Variants in DNAH6 observed in about 807,000 individuals in gnomAD.
DNAH6 encodes the protein axonemal beta dynein heavy chain 6.
In DNAH6, 340 loss-of-function variants were observed where a neutral mutation model predicts 491.4. The observed-to-expected ratio is 0.69, with a 90% CI of 0.63 to 0.76. The LOEUF is 0.76. Ranked by LOEUF, DNAH6 falls within the 30% of genes least tolerant of loss-of-function variation. The probability of loss-of-function intolerance (pLI) is 0.00; values close to 1 mark genes in which losing one functional copy is unlikely to be tolerated. For missense variants in DNAH6, 4,443 were observed against 4,972.2 expected (o/e 0.89, Z 3.20); for synonymous variants, 1,603 against 1,686.1 (o/e 0.95, Z 1.21).
intron 63 of DNAH6, among the ~76,000 whole-genome samples, chr2:84,753,252 G>GT (rs1167520131): frequency 2.0e-5 from 3 of 151,716 alleles, no homozygotes; most frequent in East Asian, 1.9e-4. Context: ...GTTGTAAAAG[G>GT]TTTTTTTTAA....
chr2:84,711,549 A>G (rs1697044095), intron 56 of DNAH6, among the ~76,000 whole-genome samples: 1 of 152,212 alleles, frequency 6.6e-6, no homozygotes, highest in African/African-American at 2.4e-5. Flanking sequence ...TGTTCACTCC[A>G]TGCCAGACTC....
chr2:84,581,594 A>G (rs1448726426), intron 14 of DNAH6, among the ~76,000 whole-genome samples: 2 of 152,166 alleles, frequency 1.3e-5, no homozygotes, highest in East Asian at 1.9e-4. Context: ...AATACATGAA[A>G]CATTCAGGTG....
chr2:84,513,454 T>G (rs1453666111), upstream of DNAH6, among the ~76,000 whole-genome samples: 1 of 152,204 alleles, frequency 6.6e-6, no homozygotes, highest in Non-Finnish European at 1.5e-5. Flanking sequence ...TGTGGAAGGA[T>G]GGACTTTTAG....
rs567035975 is a variant in DNAH6 at position 84,551,230 on chromosome 2, T to C, written c.1485+1173T>C. 1.1e-3 allele frequency among the ~76,000 whole-genome samples: 168 copies of C among 152,288 alleles called. 1 individual carries two copies. Among genetic ancestry groups the C allele is most frequent in the Non-Finnish European group, 2.1e-3 (144 of 68,022 alleles). On this transcript the variant is annotated intron_variant, in intron 9 of 76. Transcript: ENST00000389394. ...TGAACTCCTTTTCATAGCTTTCTCT[T>C]CTCCCCTATTCTGAATTTCTCCTTT...
chr2:84,808,294 C>G, intron 71 of DNAH6, 121 bp from the exon 72 acceptor site: 1 of 1,103,472 alleles, frequency 9.1e-7, no homozygotes, highest in Non-Finnish European at 1.2e-6. Flanking sequence ...TCCTATGTAT[C>G]TGGCTTAAAC....
intron 55 of DNAH6, among the ~76,000 whole-genome samples, chr2:84,709,942 A>G (rs1179400207): frequency 6.6e-6 from 1 of 152,214 alleles, no homozygotes; most frequent in Non-Finnish European, 1.5e-5. Context: ...GGTTGACAGC[A>G]TCCCATTTTC....
intron 46 of DNAH6, among the ~76,000 whole-genome samples, chr2:84,694,732 G>A (rs184728442): frequency 1.3e-5 from 2 of 152,216 alleles, no homozygotes; most frequent in Admixed American, 6.5e-5. Context: ...TTCTTTGAGG[G>A]AAAAGGCAAA....
At chr2:84,559,889 A>G (rs1273147212) in intron 11 of DNAH6, among the ~76,000 whole-genome samples, 1 of 152,200 alleles carries the variant, frequency 6.6e-6, no homozygotes, top group African/African-American at 2.4e-5. Flanking sequence ...TAGTGCTCAA[A>G]GGAGAATAAG....
chr2:84,679,643 T>G (rs1440597694), intron 41 of DNAH6, among the ~76,000 whole-genome samples: 1 of 152,242 alleles, frequency 6.6e-6, no homozygotes, highest in African/African-American at 2.4e-5. Flanking sequence ...AAACAGATCA[T>G]GTAAGCCAGA....
At chr2:84,728,666 A>C (rs1460309011) in intron 61 of DNAH6, among the ~76,000 whole-genome samples, 1 of 152,276 alleles carries the variant, frequency 6.6e-6, no homozygotes, top group African/African-American at 2.4e-5. Flanking sequence ...TTGCCTGGAG[A>C]TGTATCTCAT....
chr2:84,584,806 AC>A (rs1444450854), intron 15 of DNAH6: 1 of 152,390 alleles, frequency 6.6e-6, no homozygotes, highest in Non-Finnish European at 1.5e-5. Context: ...ACACAAGTTT[AC>A]CTGTATAACA....
intron 59 of DNAH6, among the ~76,000 whole-genome samples, chr2:84,720,499 T>C (rs34737013): frequency 0.029 from 4,357 of 150,104 alleles, 78 homozygotes; most frequent in Non-Finnish European, 0.038. Context: ...GGGATGGTCT[T>C]GATCTCCTGA....
Position 84,624,615 on chromosome 2 carries a change from C to T in DNAH6, c.4348C>T (p.Leu1450Phe). Reference sequence around the variant, plus strand: ...ATGCCCAAGATTGGTTATTACTCCACTCACAGTAAGTTATTGATCACTTGG... The same window carrying T: ...ATGCCCAAGATTGGTTATTACTCCATTCACAGTAAGTTATTGATCACTTGG... ...GACPRLVITP[L>F]TDRCYLCLMG... Residue 1450 changes from leucine (L) to phenylalanine (F), a missense_variant, in exon 28 of 77, where the codon CTC becomes TTC. By Grantham distance (22) the Leu-to-Phe change is conservative. This residue lies in a region of DNAH6 where 2,977 missense variants were observed against 3,296.6 expected (regional missense o/e 0.90). Transcript: ENST00000389394. 1 of 1,551,266 alleles carries T rather than the reference C, an allele frequency of 6.4e-7. No individual in the cohort carries two copies. The highest frequency in any genetic ancestry group is 8.7e-7 in the Non-Finnish European group (1 of 1,146,800).
the DNAH6 span, among the ~76,000 whole-genome samples, chr2:84,488,495 G>A: frequency 6.6e-6 from 1 of 152,124 alleles, no homozygotes; most frequent in African/African-American, 2.4e-5. Context: ...GGAGGCTCTA[G>A]GAGTGAATCT....
At chr2:84,486,119 G>T in the DNAH6 span, among the ~76,000 whole-genome samples, 2 of 152,068 alleles carry the variant, frequency 1.3e-5, no homozygotes, top group Non-Finnish European at 2.9e-5. Flanking sequence ...ATCTTAGCTG[G>T]TACATTTACC....
the DNAH6 span, among the ~76,000 whole-genome samples, chr2:84,491,160 G>C: frequency 3.9e-5 from 6 of 152,188 alleles, no homozygotes; most frequent in Admixed American, 3.9e-4. Flanking sequence ...GTCATCCAGA[G>C]AGTGTATTTT....
At chr2:84,695,356 A>G (rs1285893302) in intron 46 of DNAH6, among the ~76,000 whole-genome samples, 1 of 151,826 alleles carries the variant, frequency 6.6e-6, no homozygotes, top group Non-Finnish European at 1.5e-5. Flanking sequence ...ATCATAATAT[A>G]CAGAGTTGGC....
chr2:84,489,795 A>G, the DNAH6 span, among the ~76,000 whole-genome samples: 1 of 152,194 alleles, frequency 6.6e-6, no homozygotes, highest in South Asian at 2.1e-4. Context: ...AGAATCACCC[A>G]GAAGACTTGT....
intron 14 of DNAH6, among the ~76,000 whole-genome samples, chr2:84,580,982 A>C (rs12714135): frequency 0.91 from 138,603 of 152,266 alleles, 63,152 homozygotes; most frequent in East Asian, 0.99. Context: ...GCAGACAGCT[A>C]CTTCTGCTTC....
Sources: gnomAD v4.1 joint callset for allele counts (sites outside exome capture counted in the v4.1 genomes callset) on GRCh38, gnomAD v4.1.1 for gene constraint, gnomAD v4.1.1 regional missense constraint, MANE v1.5 for transcripts, NCBI Gene and HGNC (gene_info 2026-07-23, HGNC 2026-07-21) for gene names.